NLGN1: variants seen among roughly 807,000 people sequenced by gnomAD.
NLGN1 encodes neuroligin-1.
Under a neutral mutation model 65.5 loss-of-function variants are expected in NLGN1, and 12 were observed. The ratio of observed to expected loss-of-function variants is 0.18; its 90% CI spans 0.12 to 0.30. The LOEUF is 0.30. Among genes scored for constraint, NLGN1 ranks in the 10% least tolerant of loss-of-function variants. The pLI is 1.00. For synonymous variants in NLGN1, 350 were observed against 359.5 expected, an observed-to-expected ratio of 0.97 and a Z score of 0.30; for missense variants, 750 against 1,007.1, an observed-to-expected ratio of 0.74 and a Z score of 3.46.
At chr3:173,474,121 C>A (rs1345552968) in intron 2 of NLGN1, among the ~76,000 whole-genome samples, 2 of 152,056 alleles carry the variant, frequency 1.3e-5, no homozygotes, top group Non-Finnish European at 1.5e-5. Flanking sequence ...TCTTCAACCT[C>A]AGCCTCCCCC....
intron 3 of NLGN1, among the ~76,000 whole-genome samples, chr3:173,656,171 T>TTTAG (rs1759998904): frequency 5.9e-5 from 9 of 152,118 alleles, no homozygotes; most frequent in Non-Finnish European, 1.2e-4. Flanking sequence ...TTCCCTTTGA[T>TTTAG]TTAGTTTTAG....
At chr3:173,795,820 C>T (rs1578472442) in intron 3 of NLGN1, among the ~76,000 whole-genome samples, 1 of 152,062 alleles carries the variant, frequency 6.6e-6, no homozygotes, top group African/African-American at 2.4e-5. Flanking sequence ...CTTCCAATTG[C>T]TCCAGAACAA....
intron 4 of NLGN1, among the ~76,000 whole-genome samples, chr3:174,145,490 TG>T (rs1441659408): frequency 6.6e-6 from 1 of 151,390 alleles, no homozygotes; most frequent in East Asian, 1.9e-4. Flanking sequence ...TCCAGCCTGG[TG>T]ACAGAGTGAG....
intron 2 of NLGN1, among the ~76,000 whole-genome samples, chr3:173,484,139 G>A (rs1328080399): frequency 6.6e-6 from 1 of 152,048 alleles, no homozygotes; most frequent in Admixed American, 6.6e-5. Flanking sequence ...GATCAATTAA[G>A]CAGGAAAAAA....
At chr3:174,151,837 C>T (rs746193095) in intron 4 of NLGN1, among the ~76,000 whole-genome samples, 3 of 152,028 alleles carry the variant, frequency 2.0e-5, no homozygotes, top group South Asian at 2.1e-4. Flanking sequence ...TTTTGCTCTT[C>T]GACTGATTTC....
intron 4 of NLGN1, among the ~76,000 whole-genome samples, chr3:174,214,370 G>A (rs1343840403): frequency 1.3e-5 from 2 of 152,112 alleles, no homozygotes; most frequent in Non-Finnish European, 2.9e-5. Flanking sequence ...AGTGAAACTA[G>A]CTTTTAGAAG....
chr3:174,193,800 TG>T (rs1732839586), intron 4 of NLGN1, among the ~76,000 whole-genome samples: 1 of 152,206 alleles, frequency 6.6e-6, no homozygotes, highest in African/African-American at 2.4e-5. Context: ...TTTTAAGGCT[TG>T]GTTTAAAATA....
At chr3:173,480,599 A>C (rs1319487709) in intron 2 of NLGN1, among the ~76,000 whole-genome samples, 1 of 152,154 alleles carries the variant, frequency 6.6e-6, no homozygotes, top group South Asian at 2.1e-4. Flanking sequence ...CCAATCAAGG[A>C]CATCAACAGG....
At chr3:173,942,946 C>A (rs1283139372) in intron 4 of NLGN1, among the ~76,000 whole-genome samples, 1 of 152,112 alleles carries the variant, frequency 6.6e-6, no homozygotes, top group African/African-American at 2.4e-5. Flanking sequence ...AAGGACAGAT[C>A]AGATGCAGTG....
chr3:173,573,032 T>A (rs1324047810), intron 2 of NLGN1, among the ~76,000 whole-genome samples: 1 of 152,196 alleles, frequency 6.6e-6, no homozygotes, highest in East Asian at 1.9e-4. Flanking sequence ...GCTCTCTTTT[T>A]TAGAAGAACC....
At chr3:174,276,420 T>C (rs758182810) in intron 5 of NLGN1, among the ~76,000 whole-genome samples, 4 of 151,944 alleles carry the variant, frequency 2.6e-5, no homozygotes, top group Admixed American at 6.6e-5. Context: ...GCATTATTTA[T>C]GTATGATAGG....
At chr3:174,139,245 TA>T (rs936482196) in intron 4 of NLGN1, among the ~76,000 whole-genome samples, 11 of 152,136 alleles carry the variant, frequency 7.2e-5, no homozygotes, top group African/African-American at 2.7e-4. Flanking sequence ...TTCACCGTCC[TA>T]AAAATCTGTT....
intron 3 of NLGN1, among the ~76,000 whole-genome samples, chr3:173,802,766 C>T (rs1715716490): frequency 6.6e-6 from 1 of 152,116 alleles, no homozygotes; most frequent in African/African-American, 2.4e-5. Context: ...CATTTCAGGT[C>T]CCAGTCTCAG....
At chr3:174,016,462 C>A (rs76569339) in intron 4 of NLGN1, among the ~76,000 whole-genome samples, 20 of 152,094 alleles carry the variant, frequency 1.3e-4, no homozygotes, top group African/African-American at 4.8e-4. Context: ...ATTATAATAA[C>A]CACAGGACAC....
At chr3:173,957,911 T>A (rs924316375) in intron 4 of NLGN1, among the ~76,000 whole-genome samples, 2 of 152,182 alleles carry the variant, frequency 1.3e-5, no homozygotes, top group African/African-American at 4.8e-5. Context: ...ATGAGTTAAG[T>A]GTGGAACAGC....
intron 4 of NLGN1, among the ~76,000 whole-genome samples, chr3:173,834,284 G>A (rs1350546308): frequency 1.3e-5 from 2 of 152,014 alleles, no homozygotes; most frequent in Non-Finnish European, 2.9e-5. Flanking sequence ...ACATTTTGAT[G>A]GTGGGCATGG....
chr3:173,871,311 G>C (rs1731123794), intron 4 of NLGN1, among the ~76,000 whole-genome samples: 1 of 152,132 alleles, frequency 6.6e-6, no homozygotes, highest in Non-Finnish European at 1.5e-5. Context: ...GATGTATTAA[G>C]CTGGAATAGA....
chr3:173,605,448 G>A (rs567273207), intron 3 of NLGN1, 86 bp from the exon 3 acceptor site: 92 of 611,168 alleles, frequency 1.5e-4, no homozygotes, highest in African/African-American at 1.5e-3. Flanking sequence ...ATGCAGGAGC[G>A]TATTGAGTTA....
At chr3:173,790,679 G>T (rs1029928410) in intron 3 of NLGN1, among the ~76,000 whole-genome samples, 3 of 151,862 alleles carry the variant, frequency 2.0e-5, no homozygotes, top group African/African-American at 7.3e-5. Context: ...ACATGTGTGA[G>T]TATGGTTGTG....
Sources: allele counts gnomAD v4.1 joint callset (sites outside exome capture counted in the v4.1 genomes callset), GRCh38; gene constraint gnomAD v4.1.1; transcripts MANE v1.5; gene names NCBI Gene and HGNC (gene_info 2026-07-23, HGNC 2026-07-21).